Variants in NOTCH2NLC observed in about 807,000 individuals in gnomAD.
NOTCH2NLC encodes notch 2 N-terminal like C, also known as notch homolog 2 N-terminal-like protein C.
A neutral mutation model predicts 17.7 loss-of-function variants in NOTCH2NLC; 4 were observed. That is an observed-to-expected ratio of 0.23 (90% CI 0.11 to 0.52). The LOEUF is 0.52. Ranked by LOEUF, NOTCH2NLC falls within the 20% of genes least tolerant of loss-of-function variation. NOTCH2NLC has a pLI of 0.96. For synonymous variants in NOTCH2NLC, 18 were observed against 86.0 expected (o/e 0.21, Z 4.38); for missense variants, 57 against 207.2 (o/e 0.28, Z 4.45).
intron 1 of NOTCH2NLC, among the ~76,000 whole-genome samples, chr1:149,394,278 C>T (rs1432925507): frequency 6.8e-6 from 1 of 147,822 alleles, no homozygotes; most frequent in Admixed American, 6.7e-5. Context: ...TTGGTTGCAA[C>T]CCACTGATTA....
At chr1:149,413,639 C>T (rs1283928191) in intron 1 of NOTCH2NLC, among the ~76,000 whole-genome samples, 2 of 151,154 alleles carry the variant, frequency 1.3e-5, no homozygotes, top group East Asian at 3.9e-4. Flanking sequence ...CTTCTCTGTA[C>T]TCTCCCCGGT....
chr1:149,401,555 T>TCTTTCTCACTCTGAAGTC (rs2084246283), intron 1 of NOTCH2NLC, among the ~76,000 whole-genome samples: 2 of 133,020 alleles, frequency 1.5e-5, no homozygotes, highest in African/African-American at 5.6e-5. Context: ...ATAGTGAAGT[T>TCTTTCTCACTCTGAAGTC]CTTTCTCACT....
intron 3 of NOTCH2NLC, among the ~76,000 whole-genome samples, chr1:149,461,224 C>T (rs2084648307): frequency 6.7e-6 from 1 of 149,498 alleles, no homozygotes; most frequent in South Asian, 2.1e-4. Context: ...CATCAGCCAC[C>T]ACTTCCGGCC....
intron 1 of NOTCH2NLC, among the ~76,000 whole-genome samples, chr1:149,405,511 C>T (rs1358016004): frequency 6.8e-6 from 1 of 147,042 alleles, no homozygotes; most frequent in Non-Finnish European, 1.5e-5. Context: ...TGGTAAAGAA[C>T]GGTCACTGGA....
At position 149,447,711 on chromosome 1, in the gene NOTCH2NLC, AG is replaced by A. The variant is rs1234834493; in HGVS notation, c.210-7604del. Among the ~76,000 whole-genome samples, 9 of 139,348 alleles carry A rather than the reference AG, an allele frequency of 6.5e-5. 1 individual carries two copies. Among genetic ancestry groups the A allele is most frequent in the Admixed American group, 2.2e-4 (3 of 13,814 alleles). The allele number at this position is 139,348 out of a possible 152,430, so 91.4% of individuals were successfully genotyped here. On this transcript the variant is annotated intron_variant, in intron 2 of 4. Transcript: ENST00000650865. ...AGGTTTACAGCAGATTTTTGAAAAAAGGGTGGAAGAAAGGAACCTAAGTTGG... is the reference window on the plus strand; with the variant it reads ...AGGTTTACAGCAGATTTTTGAAAAAAGGTGGAAGAAAGGAACCTAAGTTGG...
At chr1:149,447,015 GATGT>G (rs2084558477) in intron 2 of NOTCH2NLC, among the ~76,000 whole-genome samples, 2 of 127,028 alleles carry the variant, frequency 1.6e-5, no homozygotes, top group Admixed American at 8.1e-5. Context: ...ATACGTAAGG[GATGT>G]TGGGTGTTTA....
At chr1:149,393,404 T>G (rs1173845758) in intron 1 of NOTCH2NLC, among the ~76,000 whole-genome samples, 1 of 150,794 alleles carries the variant, frequency 6.6e-6, no homozygotes, top group Non-Finnish European at 1.5e-5. Flanking sequence ...TGAATCCTCT[T>G]AATTTATTAT....
At chr1:149,446,984 G>T (rs2084558283) in intron 2 of NOTCH2NLC, among the ~76,000 whole-genome samples, 1 of 118,066 alleles carries the variant, frequency 8.5e-6, no homozygotes, top group Non-Finnish European at 1.8e-5. Context: ...ATGTGTGCTG[G>T]GTAGCTTAAT....
chr1:149,460,911 CTT>C lies in NOTCH2NLC; in HGVS notation c.470-2578_470-2577del, dbSNP rs1570922303. ...TCTTTCTTTCTTTCTTTCTTTCTTT[CTT>C]TCTCTCTCTTTCTCTCTTTCTCTCT... On this transcript the variant is annotated intron_variant, in intron 3 of 4. Transcript: ENST00000650865. 8.2e-5 allele frequency among the ~76,000 whole-genome samples: 10 copies of C among 121,956 alleles called. 2 individuals carry two copies. In the South Asian group the frequency reaches 8.2e-4, roughly 10 times the overall value. The allele number at this position is 121,956 out of a possible 152,430, so 80.0% of individuals were successfully genotyped here. A position where few individuals can be genotyped will look rare whatever the true frequency, so the allele number is the denominator to read the frequency against.
At chr1:149,450,253 G>T (rs1412255092) in intron 2 of NOTCH2NLC, among the ~76,000 whole-genome samples, 2 of 142,892 alleles carry the variant, frequency 1.4e-5, no homozygotes, top group Non-Finnish European at 3.1e-5. Context: ...CTTAACAAAT[G>T]CATAGTGTTT....
chr1:149,413,168 A>G (rs1307325797), intron 1 of NOTCH2NLC, among the ~76,000 whole-genome samples: 1 of 150,868 alleles, frequency 6.6e-6, no homozygotes, highest in Non-Finnish European at 1.5e-5. Context: ...TCAGCCTCCC[A>G]GAGTGCTGGG....
intron 2 of NOTCH2NLC, among the ~76,000 whole-genome samples, chr1:149,445,728 G>A (rs1287988920): frequency 7.4e-5 from 11 of 149,432 alleles, no homozygotes; most frequent in African/African-American, 1.2e-4. Flanking sequence ...CAGTGCCGAC[G>A]CAACCCACAT....
Position 149,416,396 on chromosome 1 carries a change from TCTTCTCTGAGCAGCAGGCCATG to T in NOTCH2NLC, c.136-14537_136-14516del, listed in dbSNP as rs1422792081. On this transcript the variant is annotated intron_variant, in intron 1 of 4. Transcript: ENST00000650865. ...GGTTTACCACATTAGTTATGACCCGTCTTCTCTGAGCAGCAGGCCATGCTTCTCTGTTCAGTAGTTCAGTTTT... is the reference window on the plus strand; with the variant it reads ...GGTTTACCACATTAGTTATGACCCGTCTTCTCTGTTCAGTAGTTCAGTTTT... 2.9e-3 allele frequency among the ~76,000 whole-genome samples: 134 copies of T among 45,558 alleles called. 1 individual carries two copies. The highest frequency in any genetic ancestry group is 0.013 in the African/African-American group (129 of 9,568). The allele number at this position is 45,558 out of a possible 152,430, so 29.9% of individuals were successfully genotyped here. A position where few individuals can be genotyped will look rare whatever the true frequency, so the allele number is the denominator to read the frequency against.
intron 1 of NOTCH2NLC, among the ~76,000 whole-genome samples, chr1:149,401,903 C>T (rs1186376393): frequency 2.6e-5 from 3 of 114,866 alleles, no homozygotes; most frequent in Non-Finnish European, 3.6e-5. Flanking sequence ...TAGAATCAAA[C>T]AACCTCCAAC....
At position 149,417,043 on chromosome 1, in the gene NOTCH2NLC, A is replaced by G. The variant is rs1469369812; in HGVS notation, c.136-13899A>G. Among the ~76,000 whole-genome samples, 1,006 of 137,020 alleles carry G rather than the reference A, an allele frequency of 7.3e-3. 11 individuals carry two copies. Among genetic ancestry groups the G allele is most frequent in the Non-Finnish European group, 0.011 (722 of 63,896 alleles). 89.9% of individuals were successfully genotyped at this position (137,020 alleles called of 152,430 possible). A position where few individuals can be genotyped will look rare whatever the true frequency, so the allele number is the denominator to read the frequency against. ...GTGGTTACCTACCTGAGAATGTTGT[A>G]GTCACAAATGTATATTATGGAAGTT... is the stretch of plus-strand genomic sequence containing the variant. On this transcript the variant is annotated intron_variant, in intron 1 of 4. Transcript: ENST00000650865.
rs1158506660 is a variant in NOTCH2NLC at position 149,393,069 on chromosome 1, C to CAAA, written c.135+2170_135+2172dup. On this transcript the variant is annotated intron_variant, in intron 1 of 4. Transcript: ENST00000650865. ...TGGGCGACAGAGCGAGACTCCGTCTCAAAAAAAAAAAAAAAAAAAAAAAAA... is the reference window on the plus strand; with the variant it reads ...TGGGCGACAGAGCGAGACTCCGTCTCAAAAAAAAAAAAAAAAAAAAAAAAAAAA... Among the ~76,000 whole-genome samples the CAAA allele has an allele frequency of 4.4e-3, 190 of 43,002 alleles. 1 individual carries two copies. Among genetic ancestry groups the CAAA allele is most frequent in the Middle Eastern group, 0.013 (1 of 80 alleles). The allele number at this position is 43,002 out of a possible 152,430, so 28.2% of individuals were successfully genotyped here.
intron 3 of NOTCH2NLC, among the ~76,000 whole-genome samples, chr1:149,461,260 G>A (rs1173687960): frequency 2.1e-4 from 31 of 148,410 alleles, no homozygotes; most frequent in African/African-American, 7.7e-4. Context: ...TTCAGTTGTG[G>A]GCATCACTCT....
rs1358869601 is a variant in NOTCH2NLC, at chr1:149,466,165, T to G, written c.*2012T>G. The G allele has an allele frequency of 8.5e-6, 1 of 118,282 alleles. No homozygotes were observed. The highest frequency in any genetic ancestry group is 3.2e-5 in the African/African-American group (1 of 30,988). 7.3% of individuals were successfully genotyped at this position (118,282 alleles called of 1,614,324 possible). Reference sequence around the variant, plus strand: ...TTTTCGTTAAATGCTTTAAGCTGTTTGGGTTAAAAATATATGTTCATGTTA... The same window carrying G: ...TTTTCGTTAAATGCTTTAAGCTGTTGGGGTTAAAAATATATGTTCATGTTA... On this transcript the variant is annotated 3_prime_UTR_variant, in exon 5 of 5. Transcript: ENST00000650865.
intron 1 of NOTCH2NLC, among the ~76,000 whole-genome samples, chr1:149,414,667 A>G (rs2084320697): frequency 6.6e-6 from 1 of 150,684 alleles, no homozygotes; most frequent in African/African-American, 2.4e-5. Flanking sequence ...TTAGCCCATA[A>G]ATATGGAGAT....
Sources: gnomAD v4.1 joint callset for allele counts (sites outside exome capture counted in the v4.1 genomes callset) on GRCh38, gnomAD v4.1.1 for gene constraint, MANE v1.5 for transcripts, NCBI Gene and HGNC (gene_info 2026-07-23, HGNC 2026-07-21) for gene names.